The following NDUFA6 variants were observed in gnomAD, a reference collection of about 807,000 sequenced individuals.
NDUFA6 encodes the protein NADH:ubiquinone oxidoreductase subunit A6.
Under a neutral mutation model 12.5 loss-of-function variants are expected in NDUFA6, and 10 were observed. The observed-to-expected ratio is 0.80, with a 90% confidence interval of 0.49 to 1.35. NDUFA6 has a LOEUF of 1.35. NDUFA6 is among the 40% of genes most tolerant of loss of function. The probability of loss-of-function intolerance (pLI) is 0.00; values close to 1 mark genes in which losing one functional copy is unlikely to be tolerated. For synonymous variants in NDUFA6, 66 were observed against 63.0 expected (o/e 1.05, Z -0.23); for missense variants, 177 against 173.5 (o/e 1.02, Z -0.11).
intron 1 of NDUFA6, among the ~76,000 whole-genome samples, chr22:42,088,741 A>T (rs1568991451): frequency 6.6e-6 from 1 of 151,876 alleles, no homozygotes; most frequent in African/African-American, 2.4e-5. Flanking sequence ...AAAAAAAAAA[A>T]AAGTGAGTTA....
Position 42,087,130 on chromosome 22 carries a change from T to G in NDUFA6, c.185A>C (p.Lys62Thr), listed in dbSNP as rs200124481. Residue 62 changes from lysine (K) to threonine (T), a missense_variant, in exon 2 of 3, where the codon AAA (lysine) becomes ACA (threonine). Lys to Thr is a moderately conservative substitution (Grantham distance 78). This residue lies in a region of NDUFA6 where 4 missense variants were observed against 16.9 expected (regional missense o/e 0.24). Transcript: ENST00000498737. Reference protein sequence around the residue: ...LDITVKMGRDKVREMFMKNAH... With the variant: ...LDITVKMGRDTVREMFMKNAH... ...ATTCTTCATAAACATTTCTCGGACT[T>G]TATCCCGTCCCATTTTCACAGTGAT... is the stretch of plus-strand genomic sequence containing the variant. 6.2e-7 allele frequency: 1 copy of G among 1,614,164 alleles called. No homozygotes were observed. Among genetic ancestry groups the G allele is most frequent in the East Asian group, 2.2e-5 (1 of 44,886 alleles).
Position 42,087,183 on chromosome 22 carries a change from G to C in NDUFA6, c.140-8C>G, listed in dbSNP as rs780276672. 1.3e-6 allele frequency: 2 copies of C among 1,580,120 alleles called. No homozygotes were observed. Among genetic ancestry groups the C allele is most frequent in the Non-Finnish European group, 1.7e-6 (2 of 1,148,946 alleles). On this transcript the variant is annotated splice_region_variant and splice_polypyrimidine_tract_variant and intron_variant, in intron 1 of 2. Coordinates refer to ENST00000498737, the MANE Select transcript of NDUFA6 (RefSeq NM_002490.6). ...CCAGCTGGAATTGGTGCACTAGAGAGAAAAACATGACTCAGGGTAGAAATT... is the reference window on the plus strand; with the variant it reads ...CCAGCTGGAATTGGTGCACTAGAGACAAAAACATGACTCAGGGTAGAAATT...
intron 1 of NDUFA6, chr22:42,089,836 A>C (rs971244871): frequency 6.6e-6 from 1 of 152,316 alleles, no homozygotes; most frequent in African/African-American, 2.4e-5. Context: ...GCTCCTAACC[A>C]CCACATTCTA....
chr22:42,088,422 T>A (rs190896362), intron 1 of NDUFA6, among the ~76,000 whole-genome samples: 1,473 of 129,620 alleles, frequency 0.011, 22 homozygotes, highest in African/African-American at 0.041. Flanking sequence ...TCAAAAAAAA[T>A]AATTATTATT....
intron 1 of NDUFA6, chr22:42,090,052 G>A (rs5751211): frequency 0.19 from 30,536 of 164,544 alleles, 3,449 homozygotes; most frequent in East Asian, 0.51. Context: ...GTGGTGGCGG[G>A]CGCCTGTAAT....
chr22:42,089,378 CAT>C (rs2086073626), intron 1 of NDUFA6, among the ~76,000 whole-genome samples: 1 of 148,280 alleles, frequency 6.7e-6, no homozygotes, highest in Non-Finnish European at 1.5e-5. Flanking sequence ...TCCCCACACA[CAT>C]CTTTTATCTG....
chr22:42,088,574 C>T (rs1331712633), intron 1 of NDUFA6, among the ~76,000 whole-genome samples: 1 of 151,860 alleles, frequency 6.6e-6, no homozygotes, highest in Non-Finnish European at 1.5e-5. Context: ...CAAAAGTTAG[C>T]CAGGTGTGGT....
intron 1 of NDUFA6, 149 bp downstream of exon 1, chr22:42,090,454 GGTA>G (rs1437425185): frequency 1.9e-5 from 18 of 943,284 alleles, no homozygotes. Context: ...TCCGGCCCAT[GGTA>G]GGCTCGGGTG....
chr22:42,089,327 A>AACAC (rs59418535), intron 1 of NDUFA6, among the ~76,000 whole-genome samples: 11,790 of 146,990 alleles, frequency 0.08, 1,511 homozygotes, highest in African/African-American at 0.27. Context: ...ACCACCCCGA[A>AACAC]ACACACACAC....
rs1180989092 is a variant in NDUFA6, at chr22:42,090,688, G to T, written c.57C>A (p.Pro19=). Residue 19 remains proline (P), a synonymous_variant, in exon 1 of 3, where the codon CCC becomes CCA. Transcript: ENST00000498737. Reference sequence around the variant, plus strand: ...CCTCGTTCATGTCCCGACTGAAAATGGGCTTCACGAAGGTGCTGGCGGTAG... The same window carrying T: ...CCTCGTTCATGTCCCGACTGAAAATTGGCTTCACGAAGGTGCTGGCGGTAG... ...ATSTASTFVK[P]IFSRDMNEAK... The T allele has an allele frequency of 6.2e-7, 1 of 1,614,058 alleles. No homozygotes were observed. Among genetic ancestry groups the T allele is most frequent in the Non-Finnish European group, 8.5e-7 (1 of 1,180,048 alleles).
chr22:42,087,338 T>C (rs1928319552), intron 1 of NDUFA6, 163 bp from the exon 2 acceptor site: 5 of 652,508 alleles, frequency 7.7e-6, no homozygotes, highest in Admixed American at 4.6e-5. Flanking sequence ...TGATTCATGG[T>C]ATTTGCTCTC....
chr22:42,088,968 C>T (rs1928449131), intron 1 of NDUFA6, among the ~76,000 whole-genome samples: 1 of 152,042 alleles, frequency 6.6e-6, no homozygotes, highest in African/African-American at 2.4e-5. Flanking sequence ...GATGCATACT[C>T]CTTGACCCCT....
rs1939846043 is a variant in NDUFA6 at position 42,085,955 on chromosome 22, A to C, written c.*228T>G. 6.5e-6 allele frequency: 4 copies of C among 619,648 alleles called. No individual in the cohort carries two copies. Among genetic ancestry groups the C allele is most frequent in the Non-Finnish European group, 1.1e-5 (4 of 353,158 alleles). 38.4% of individuals were successfully genotyped at this position (619,648 alleles called of 1,614,324 possible). A position where few individuals can be genotyped will look rare whatever the true frequency, so the allele number is the denominator to read the frequency against. On this transcript the variant is annotated 3_prime_UTR_variant, in exon 3 of 3. Coordinates refer to ENST00000498737, the MANE Select transcript of NDUFA6 (RefSeq NM_002490.6). ...TGGCCTCCTTCCTTCCTGTTTACTGACATGCAAGGCTCTGAGAAAAATAAT... is the reference window on the plus strand; with the variant it reads ...TGGCCTCCTTCCTTCCTGTTTACTGCCATGCAAGGCTCTGAGAAAAATAAT...
In NDUFA6 at chr22:42,086,421, C is replaced by T. The variant is rs1602517910; in HGVS notation, c.256-107G>A. On this transcript the variant is annotated intron_variant, in intron 2 of 2. Transcript: ENST00000498737. ...GCTCAGCATGGACTTGTTGAATGAC[C>T]TTGGGCAAGTAACTACTCTGTCTGG... is the stretch of plus-strand genomic sequence containing the variant. The T allele has an allele frequency of 6.2e-6, 9 of 1,462,262 alleles. No homozygotes were observed. The African/African-American group carries it at 7.0e-5, about 11-fold the overall frequency. The allele number at this position is 1,462,262 out of a possible 1,614,324, so 90.6% of individuals were successfully genotyped here.
Position 42,090,613 on chromosome 22 carries a change from C to T in NDUFA6, c.132G>A (p.Pro44=), listed in dbSNP as rs780217682. 6.2e-7 allele frequency: 1 copy of T among 1,613,792 alleles called. No homozygotes were observed. The highest frequency in any genetic ancestry group is 2.2e-5 in the East Asian group (1 of 44,890). ...ELYRAWYREV[P]NTVHQFQLDI... Reference sequence around the variant, plus strand: ...TAAGCCGCTACCTCTCACCAGTGTTCGGCACCTCCCGATACCAGGCGCGGT... The same window carrying T: ...TAAGCCGCTACCTCTCACCAGTGTTTGGCACCTCCCGATACCAGGCGCGGT... The change falls in exon 1 of 3, where the codon CCG becomes CCA. Residue 44 remains proline, a synonymous_variant. Transcript: ENST00000498737.
At chr22:42,090,024 C>CAA (rs144953548) in intron 1 of NDUFA6, 105 of 166,626 alleles carry the variant, frequency 6.3e-4, no homozygotes, top group South Asian at 1.9e-3. Context: ...ACTAAAAATA[C>CAA]AAAAAAAAAT....
intron 1 of NDUFA6, chr22:42,087,414 A>C: frequency 1.9e-6 from 1 of 537,766 alleles, no homozygotes; most frequent in Non-Finnish European, 3.3e-6. Flanking sequence ...AGCATTGTTC[A>C]AGAGTTTGAA....
At chr22:42,087,368 T>TG (rs1396427130) in intron 1 of NDUFA6, 193 bp from the exon 2 acceptor site, 6 of 604,646 alleles carry the variant, frequency 9.9e-6, no homozygotes, top group African/African-American at 1.8e-5. Flanking sequence ...ATTATTTGTT[T>TG]GGGGAAAAAG....
At chr22:42,089,006 T>C (rs901176204) in intron 1 of NDUFA6, among the ~76,000 whole-genome samples, 1 of 152,008 alleles carries the variant, frequency 6.6e-6, no homozygotes, top group Non-Finnish European at 1.5e-5. Context: ...CCTTGCTTTC[T>C]AGGCTCCTGT....
Sources: gnomAD v4.1 joint callset for allele counts (sites outside exome capture counted in the v4.1 genomes callset) on GRCh38, gnomAD v4.1.1 for gene constraint, gnomAD v4.1.1 regional missense constraint, MANE v1.5 for transcripts, NCBI Gene and HGNC (gene_info 2026-07-23, HGNC 2026-07-21) for gene names.